The following ANKS1B variants were observed in gnomAD, a reference collection of about 807,000 sequenced individuals.
The protein encoded by ANKS1B is ankyrin repeat and sterile alpha motif domain containing 1B.
Under a neutral mutation model 148.3 loss-of-function variants are expected in ANKS1B, and 36 were observed. The ratio of observed to expected loss-of-function variants is 0.24; its 90% CI spans 0.19 to 0.32. The LOEUF is 0.32. Ranked by LOEUF, ANKS1B falls within the 10% of genes least tolerant of loss-of-function variation. ANKS1B has a pLI of 1.00. For missense variants in ANKS1B, 1,157 were observed against 1,542.6 expected, an observed-to-expected ratio of 0.75 and a Z score of 4.19; for synonymous variants, 542 against 560.8, an observed-to-expected ratio of 0.97 and a Z score of 0.47.
chr12:99,887,070 C>G (rs1252220638), intron 1 of ANKS1B, among the ~76,000 whole-genome samples: 1 of 152,172 alleles, frequency 6.6e-6, no homozygotes, highest in East Asian at 1.9e-4. Context: ...AATGTAGCAT[C>G]CTACAGTGTA....
chr12:99,862,837 G>T (rs73374358), intron 1 of ANKS1B, among the ~76,000 whole-genome samples: 15,962 of 152,168 alleles, frequency 0.1, 1,137 homozygotes, highest in African/African-American at 0.2. Flanking sequence ...GTGAAAAGAA[G>T]TAAAAGAACA....
At chr12:99,727,824 G>A (rs1456128831) in intron 8 of ANKS1B, among the ~76,000 whole-genome samples, 2 of 152,052 alleles carry the variant, frequency 1.3e-5, no homozygotes, top group African/African-American at 4.8e-5. Context: ...GGAGAACTCA[G>A]AAATAACACC....
chr12:99,286,636 TG>T (rs1369646695), intron 12 of ANKS1B, among the ~76,000 whole-genome samples: 1 of 152,128 alleles, frequency 6.6e-6, no homozygotes, highest in African/African-American at 2.4e-5. Context: ...GGTTCTTAGA[TG>T]GCATTTCTGG....
chr12:99,024,123 C>T (rs2099947404), intron 17 of ANKS1B, among the ~76,000 whole-genome samples: 1 of 152,000 alleles, frequency 6.6e-6, no homozygotes, highest in African/African-American at 2.4e-5. Flanking sequence ...AATCATTCCT[C>T]TTTATTCTCA....
chr12:99,789,388 AATATC>A (rs966195965), intron 4 of ANKS1B, among the ~76,000 whole-genome samples: 2 of 152,170 alleles, frequency 1.3e-5, no homozygotes, highest in African/African-American at 4.8e-5. Flanking sequence ...GACTACAGTC[AATATC>A]TAACTCTTCA....
intron 8 of ANKS1B, among the ~76,000 whole-genome samples, chr12:99,738,742 T>C (rs1281169601): frequency 1.3e-5 from 2 of 152,166 alleles, no homozygotes; most frequent in Non-Finnish European, 2.9e-5. Context: ...GAAGGAAGGA[T>C]TGGCCCAAAC....
At chr12:99,311,418 AAAG>A (rs1210414259) in intron 12 of ANKS1B, among the ~76,000 whole-genome samples, 30 of 152,306 alleles carry the variant, frequency 2.0e-4, no homozygotes, top group Non-Finnish European at 3.7e-4. Context: ...ATTTGTATCA[AAAG>A]AAGGGCATAT....
intron 12 of ANKS1B, among the ~76,000 whole-genome samples, chr12:99,254,790 T>C (rs2075062173): frequency 6.6e-6 from 1 of 152,212 alleles, no homozygotes; most frequent in African/African-American, 2.4e-5. Context: ...TCCTTTACTC[T>C]GTTAGTGTGA....
intron 8 of ANKS1B, among the ~76,000 whole-genome samples, chr12:99,674,066 C>A (rs370969643): frequency 6.6e-6 from 1 of 151,416 alleles, no homozygotes; most frequent in Non-Finnish European, 1.5e-5. Context: ...AAATAAGAAA[C>A]GTTGGTGCCC....
intron 12 of ANKS1B, among the ~76,000 whole-genome samples, chr12:99,297,085 T>TTTAG (rs1312262512): frequency 7.9e-5 from 12 of 152,196 alleles, no homozygotes; most frequent in African/African-American, 2.9e-4. Context: ...TCCTGATTAC[T>TTTAG]TTAGGAATGT....
intron 1 of ANKS1B, among the ~76,000 whole-genome samples, chr12:99,928,761 G>A (rs1202306869): frequency 6.6e-6 from 1 of 152,152 alleles, no homozygotes; most frequent in Admixed American, 6.5e-5. Flanking sequence ...AACTTGATGA[G>A]AACTTAGTCA....
At chr12:99,639,866 C>A (rs182746293) in intron 9 of ANKS1B, among the ~76,000 whole-genome samples, 1 of 152,086 alleles carries the variant, frequency 6.6e-6, no homozygotes, top group Non-Finnish European at 1.5e-5. Context: ...ACTAGAACAA[C>A]CTCTTAACAA....
At position 99,471,060 on chromosome 12, in the gene ANKS1B, G is replaced by A. The variant is rs760045872; in HGVS notation, c.1439-27251C>T. On this transcript the variant is annotated intron_variant, in intron 10 of 26. Coordinates refer to ENST00000683438, the MANE Select transcript of ANKS1B (RefSeq NM_001352186.2). ...AAAAGTTTGATTGCATTTCATATGC[G>A]TTCATAAATCAAATTGAACTGTTTC... 1.4e-4 allele frequency among the ~76,000 whole-genome samples: 21 copies of A among 152,058 alleles called. 1 individual carries two copies. The highest frequency in any genetic ancestry group is 4.1e-4 in the South Asian group (2 of 4,822).
chr12:99,587,313 T>C (rs1013643089), intron 9 of ANKS1B, among the ~76,000 whole-genome samples: 3 of 152,154 alleles, frequency 2.0e-5, no homozygotes. Context: ...CACAGGACCT[T>C]ATGAAAAAGC....
chr12:98,913,987 T>A (rs1233632837), intron 17 of ANKS1B, among the ~76,000 whole-genome samples: 1 of 152,148 alleles, frequency 6.6e-6, no homozygotes, highest in Non-Finnish European at 1.5e-5. Flanking sequence ...CAGGCCAAAA[T>A]CCATGGGCTT....
chr12:99,682,261 T>C (rs896514418), intron 8 of ANKS1B, among the ~76,000 whole-genome samples: 3 of 152,194 alleles, frequency 2.0e-5, no homozygotes, highest in African/African-American at 4.8e-5. Context: ...ATAAATGGAC[T>C]TAACAGATAT....
Position 98,751,609 on chromosome 12 carries a change from C to G in ANKS1B, c.3580-87G>C. On this transcript the variant is annotated intron_variant, in intron 25 of 26. Coordinates refer to ENST00000683438, the MANE Select transcript of ANKS1B (RefSeq NM_001352186.2). This position sits in a 1 kb window ranked among gnomAD's most constrained non-coding sequence, Gnocchi z 4.3. ...GCTGAGGAACACTGAGGGAGGTGAA[C>G]TAGGGAGGAACTTGAACTACTTCAC... 1 of 1,314,256 alleles carries G rather than the reference C, an allele frequency of 7.6e-7. No homozygotes were observed. Among genetic ancestry groups the G allele is most frequent in the South Asian group, 1.3e-5 (1 of 75,104 alleles). 81.4% of individuals were successfully genotyped at this position (1,314,256 alleles called of 1,614,324 possible).
chr12:98,928,230 C>G lies in ANKS1B; in HGVS notation c.2779-96094G>C, dbSNP rs1279177147. On this transcript the variant is annotated intron_variant, in intron 17 of 26. Coordinates refer to ENST00000683438, the MANE Select transcript of ANKS1B (RefSeq NM_001352186.2). Reference sequence around the variant, plus strand: ...CTAAAAAACCACAAACTGTTGAAACCAACTCAAGAAAAATTCAAAAATCTT... The same window carrying G: ...CTAAAAAACCACAAACTGTTGAAACGAACTCAAGAAAAATTCAAAAATCTT... Among the ~76,000 whole-genome samples, 32 of 150,668 alleles carry G rather than the reference C, an allele frequency of 2.1e-4. 1 individual carries two copies. The highest frequency in any genetic ancestry group is 2.1e-3 in the Admixed American group (32 of 15,134).
intron 12 of ANKS1B, among the ~76,000 whole-genome samples, chr12:99,355,477 G>A (rs1276302212): frequency 6.6e-6 from 1 of 152,136 alleles, no homozygotes; most frequent in South Asian, 2.1e-4. Flanking sequence ...ACTAAAAGGT[G>A]AGTAATACTA....
Sources: allele counts gnomAD v4.1 joint callset (sites outside exome capture counted in the v4.1 genomes callset), GRCh38; gene constraint gnomAD v4.1.1; non-coding constraint Gnocchi (gnomAD v3.1); transcripts MANE v1.5; gene names NCBI Gene and HGNC (gene_info 2026-07-23, HGNC 2026-07-21).